The following PIP5K1C variants were observed in gnomAD, a reference collection of about 807,000 sequenced individuals.
PIP5K1C encodes phosphatidylinositol 4-phosphate 5-kinase type-1 gamma.
Under a neutral mutation model 80.1 loss-of-function variants are expected in PIP5K1C, and 45 were observed. The ratio of observed to expected loss-of-function variants is 0.56; its 90% CI spans 0.44 to 0.72. PIP5K1C has a LOEUF of 0.72. Among genes scored for constraint, PIP5K1C ranks in the 30% least tolerant of loss-of-function variants. PIP5K1C has a pLI of 0.00. For missense variants in PIP5K1C, 753 were observed against 954.6 expected, an observed-to-expected ratio of 0.79 and a Z score of 2.78; for synonymous variants, 498 against 420.1, an observed-to-expected ratio of 1.19 and a Z score of -2.27.
rs559646520 is a variant in PIP5K1C at position 3,696,384 on chromosome 19, G to A, written c.94+3913C>T. 6.6e-6 allele frequency among the ~76,000 whole-genome samples: 1 copy of A among 152,366 alleles called. No homozygotes were observed. Among genetic ancestry groups the A allele is most frequent in the South Asian group, 2.1e-4 (1 of 4,826 alleles). On this transcript the variant is annotated intron_variant, in intron 1 of 17. Transcript: ENST00000335312. The surrounding 1 kb of genome is among the most constrained non-coding windows in gnomAD (Gnocchi z 4.1). Reference sequence around the variant, plus strand: ...CTCGTGGAGCTCTCGCTCAGGAGGAGATGGTCAGAAAACACGTCAGCAGAG... The same window carrying A: ...CTCGTGGAGCTCTCGCTCAGGAGGAAATGGTCAGAAAACACGTCAGCAGAG...
chr19:3,672,310 G>A (rs2035233378), intron 1 of PIP5K1C, among the ~76,000 whole-genome samples: 1 of 152,218 alleles, frequency 6.6e-6, no homozygotes, highest in Admixed American at 6.5e-5. Context: ...AGTGCTCCCT[G>A]GACACTGTGT....
chr19:3,660,119 G>A (rs949453432), intron 5 of PIP5K1C, among the ~76,000 whole-genome samples: 5 of 152,134 alleles, frequency 3.3e-5, no homozygotes, highest in Non-Finnish European at 7.4e-5. Context: ...GGTAGCTCAC[G>A]CCTCTAATCC....
chr19:3,697,970 C>T (rs1008750720), intron 1 of PIP5K1C, among the ~76,000 whole-genome samples: 1 of 152,262 alleles, frequency 6.6e-6, no homozygotes, highest in Non-Finnish European at 1.5e-5. Flanking sequence ...TTCTAAACAC[C>T]AACGAGACAT....
chr19:3,667,691 AG>A (rs1279859742), intron 1 of PIP5K1C, among the ~76,000 whole-genome samples: 4 of 152,086 alleles, frequency 2.6e-5, no homozygotes, highest in African/African-American at 9.7e-5. Context: ...TGCCTGGAGG[AG>A]GGGAGGGGAA....
chr19:3,651,911 C>T lies in PIP5K1C; in HGVS notation c.1042G>A (p.Val348Met). ...GTGGAGTAGAGCGCCTTCTGGCCCA[C>T]AGGCCGCTTCTCATCTGAGGTGCTC... Reference protein sequence around the residue: ...AQSTSDEKRPVGQKALYSTAM... With the variant: ...AQSTSDEKRPMGQKALYSTAM... Residue 348 changes from valine to methionine, a missense_variant, in exon 8 of 18, where the codon GTG becomes ATG. Physicochemically the swap from Val to Met is conservative, Grantham distance 21. This residue lies in a region of PIP5K1C where 105 missense variants were observed against 133.4 expected (regional missense o/e 0.79). Coordinates refer to ENST00000335312, the MANE Select transcript of PIP5K1C (RefSeq NM_012398.3). The T allele has an allele frequency of 1.2e-6, 2 of 1,612,878 alleles. No individual in the cohort carries two copies. Among genetic ancestry groups the T allele is most frequent in the Non-Finnish European group, 1.7e-6 (2 of 1,179,946 alleles).
At position 3,700,350 on chromosome 19, in the gene PIP5K1C, G is replaced by T; in HGVS notation, c.41C>A (p.Ala14Glu). 1.6e-6 allele frequency: 2 copies of T among 1,289,732 alleles called. No individual in the cohort carries two copies. The highest frequency in any genetic ancestry group is 2.0e-6 in the Non-Finnish European group (2 of 1,001,776). The allele number at this position is 1,289,732 out of a possible 1,614,324, so 79.9% of individuals were successfully genotyped here. A position where few individuals can be genotyped will look rare whatever the true frequency, so the allele number is the denominator to read the frequency against. ...EVPDEAESAE[A>E]GAVPSEAAWA... ...CGCCGCCTCCGAGGGCACGGCCCCC[G>T]CCTCAGCGCTCTCCGCCTCGTCCGG... is the stretch of plus-strand genomic sequence containing the variant. The change falls in exon 1 of 18, where the codon GCG becomes GAG. Residue 14 changes from alanine to glutamate, a missense_variant. Around this residue, in one of 6 missense-constraint regions of PIP5K1C, gnomAD observed 78 missense variants for 67.1 expected, o/e 1.16. Transcript: ENST00000335312.
intron 1 of PIP5K1C, among the ~76,000 whole-genome samples, chr19:3,693,299 T>C (rs968281355): frequency 2.0e-5 from 3 of 152,096 alleles, no homozygotes; most frequent in African/African-American, 7.2e-5. Flanking sequence ...GCTGGGGTCC[T>C]CTCTTCACTC....
Position 3,664,867 on chromosome 19 carries a change from C to G in PIP5K1C, c.174G>C (p.Leu58Phe), listed in dbSNP as rs540840186. 5.0e-6 allele frequency: 8 copies of G among 1,613,218 alleles called. No homozygotes were observed. The South Asian group carries it at 7.7e-5, about 15-fold the overall frequency. The part of the protein sequence containing the change: ...AQPGPGHGKK[L>F]GHRGVDASGE... ...CGGATGCGTCCACACCTCGATGGCC[C>G]AACTTCTTCCCATGGCCAGGGCCCG... Residue 58 changes from leucine (L) to phenylalanine (F), a missense_variant, in exon 3 of 18, where the codon TTG (leucine) becomes TTC (phenylalanine). Leu to Phe is a conservative substitution (Grantham distance 22). This residue lies in a region of PIP5K1C where 139 missense variants were observed against 289.7 expected (regional missense o/e 0.48). Transcript: ENST00000335312.
Position 3,700,455 on chromosome 19 carries a change from C to A in PIP5K1C, c.-65G>T. 1.1e-6 allele frequency: 1 copy of A among 905,320 alleles called. No individual in the cohort carries two copies. The allele number at this position is 905,320 out of a possible 1,614,324, so 56.1% of individuals were successfully genotyped here. A position where few individuals can be genotyped will look rare whatever the true frequency, so the allele number is the denominator to read the frequency against. ...CCGAGCTGCGACCGCCGCCGCCGAA[C>A]AACAAGCGCCGCCGGCCAAGGGAGG... On this transcript the variant is annotated 5_prime_UTR_variant, in exon 1 of 18. Coordinates refer to ENST00000335312, the MANE Select transcript of PIP5K1C (RefSeq NM_012398.3).
chr19:3,663,744 C>T (rs1403901277), intron 3 of PIP5K1C, among the ~76,000 whole-genome samples: 1 of 152,230 alleles, frequency 6.6e-6, no homozygotes, highest in African/African-American at 2.4e-5. Context: ...CTGGTGAGGA[C>T]ACGGGGACGC....
chr19:3,643,919 T>C (rs2034093748), intron 12 of PIP5K1C, among the ~76,000 whole-genome samples, 168 bp downstream of exon 12: 1 of 152,104 alleles, frequency 6.6e-6, no homozygotes, highest in Non-Finnish European at 1.5e-5. Flanking sequence ...CCCTGGGCTC[T>C]TCCCTGGGGC....
At position 3,664,921 on chromosome 19, in the gene PIP5K1C, A is replaced by G. The variant is rs1208482861; in HGVS notation, c.127-7T>C. 6.2e-7 allele frequency: 1 copy of G among 1,610,096 alleles called. No homozygotes were observed. Among genetic ancestry groups the G allele is most frequent in the Non-Finnish European group, 8.5e-7 (1 of 1,177,288 alleles). On this transcript the variant is annotated splice_region_variant and splice_polypyrimidine_tract_variant and intron_variant, in intron 2 of 17. Coordinates refer to ENST00000335312, the MANE Select transcript of PIP5K1C (RefSeq NM_012398.3). Reference sequence around the variant, plus strand: ...GTGCCGTCATGGACAGAACCTGGGAAGAGGAAGCAGGAAGCGTTAACTCCC... The same window carrying G: ...GTGCCGTCATGGACAGAACCTGGGAGGAGGAAGCAGGAAGCGTTAACTCCC...
At chr19:3,677,582 C>G (rs2035399710) in intron 1 of PIP5K1C, among the ~76,000 whole-genome samples, 1 of 147,804 alleles carries the variant, frequency 6.8e-6, no homozygotes, top group South Asian at 2.2e-4. Flanking sequence ...GACTCCCTCT[C>G]AAAAAAAAAG....
chr19:3,643,491 C>T, intron 12 of PIP5K1C, 110 bp from the exon 13 acceptor site: 1 of 1,345,330 alleles, frequency 7.4e-7, no homozygotes, highest in South Asian at 1.3e-5. Context: ...CAGTGCCCGC[C>T]CGCCTCCCAG....
rs139468905 is a variant in PIP5K1C at position 3,639,861 on chromosome 19, G to A, written c.1788-845C>T. 4.1e-4 allele frequency among the ~76,000 whole-genome samples: 62 copies of A among 152,344 alleles called. No homozygotes were observed. The East Asian group carries it at 0.011, about 27-fold the overall frequency. Reference sequence around the variant, plus strand: ...GTTGCATTTGCGGAAACGGAGGCACGGAGAGGAGGTGAGGAACGGCCTTGG... The same window carrying A: ...GTTGCATTTGCGGAAACGGAGGCACAGAGAGGAGGTGAGGAACGGCCTTGG... On this transcript the variant is annotated intron_variant, in intron 15 of 17. Transcript: ENST00000335312.
chr19:3,676,195 T>C (rs770534112), intron 1 of PIP5K1C, among the ~76,000 whole-genome samples: 13 of 152,270 alleles, frequency 8.5e-5, no homozygotes, highest in South Asian at 8.3e-4. Context: ...TGGTAGGCAA[T>C]GGGGTCCCTG....
In PIP5K1C at chr19:3,637,464, G is replaced by A; in HGVS notation, c.1920+1420C>T. On this transcript the variant is annotated intron_variant, in intron 16 of 17. Coordinates refer to ENST00000335312, the MANE Select transcript of PIP5K1C (RefSeq NM_012398.3). This position sits in a 1 kb window ranked among gnomAD's most constrained non-coding sequence, Gnocchi z 7.0. ...ACGTCAGACACTGAGCTTCCGGCCGGGGACCTGCGGCTCCCTGCTGCCCGA... is the reference window on the plus strand; with the variant it reads ...ACGTCAGACACTGAGCTTCCGGCCGAGGACCTGCGGCTCCCTGCTGCCCGA... 4 of 1,535,682 alleles carry A rather than the reference G, an allele frequency of 2.6e-6. No homozygotes were observed. Among genetic ancestry groups the A allele is most frequent in the African/African-American group, 1.4e-5 (1 of 73,162 alleles).
At chr19:3,667,583 G>A (rs1382801135) in intron 1 of PIP5K1C, among the ~76,000 whole-genome samples, 1 of 152,252 alleles carries the variant, frequency 6.6e-6, no homozygotes, top group Admixed American at 6.5e-5. Flanking sequence ...GCAGCCACTG[G>A]GGCCTAGAGC....
At chr19:3,667,527 T>C (rs1406249039) in intron 1 of PIP5K1C, among the ~76,000 whole-genome samples, 174 bp from the exon 2 acceptor site, 1 of 152,090 alleles carries the variant, frequency 6.6e-6, no homozygotes, top group African/African-American at 2.4e-5. Flanking sequence ...TGGGAGGATG[T>C]GATGAGGGTG....
Sources: allele counts gnomAD v4.1 joint callset (sites outside exome capture counted in the v4.1 genomes callset), GRCh38; gene constraint gnomAD v4.1.1; regional missense constraint gnomAD v4.1.1; non-coding constraint Gnocchi (gnomAD v3.1); transcripts MANE v1.5; gene names NCBI Gene and HGNC (gene_info 2026-07-23, HGNC 2026-07-21).